RBFOX1: variants seen among roughly 807,000 people sequenced by gnomAD.
RBFOX1 encodes RNA binding protein fox-1 homolog 1.
A neutral mutation model predicts 57.7 loss-of-function variants in RBFOX1; 8 were observed. The observed-to-expected ratio is 0.14, with a 90% confidence interval of 0.08 to 0.25. RBFOX1 has a LOEUF of 0.25. Among genes scored for constraint, RBFOX1 ranks in the 10% least tolerant of loss-of-function variants. RBFOX1 has a pLI of 1.00. For synonymous variants in RBFOX1, 326 were observed against 222.4 expected (o/e 1.47, Z -4.15); for missense variants, 611 against 548.5 (o/e 1.11, Z -1.14).
At chr16:6,680,819 A>AT (rs993006751) in intron 3 of RBFOX1, among the ~76,000 whole-genome samples, 2 of 152,246 alleles carry the variant, frequency 1.3e-5, no homozygotes, top group African/African-American at 4.8e-5. Flanking sequence ...ATGTTGCAAT[A>AT]TTAAAAGCTT....
intron 2 of RBFOX1, among the ~76,000 whole-genome samples, chr16:6,499,703 G>A (rs1243471573): frequency 5.3e-5 from 8 of 151,846 alleles, no homozygotes; most frequent in Admixed American, 5.3e-4. Context: ...TATGTTGGCT[G>A]GTTTTCCCCC....
At chr16:6,504,896 T>G (rs1450413133) in intron 2 of RBFOX1, among the ~76,000 whole-genome samples, 2 of 109,152 alleles carry the variant, frequency 1.8e-5, no homozygotes, top group Non-Finnish European at 2.1e-5. Flanking sequence ...TCTACTAAAA[T>G]TACAAAAAAA....
At chr16:5,491,742 G>C (rs1164494987) in intron 2 of RBFOX1, among the ~76,000 whole-genome samples, 1 of 152,236 alleles carries the variant, frequency 6.6e-6, no homozygotes, top group Non-Finnish European at 1.5e-5. Context: ...GGCCAAGCCA[G>C]TGCTGGAGCC....
intron 3 of RBFOX1, among the ~76,000 whole-genome samples, chr16:5,616,602 C>T (rs1038190887): frequency 1.4e-5 from 2 of 148,076 alleles, no homozygotes; most frequent in East Asian, 4.0e-4. Context: ...CCTCCTCCTC[C>T]TCTTCCCTCT....
In RBFOX1 at chr16:6,975,199, A is replaced by T. The variant is rs369212019; in HGVS notation, c.-15-76858A>T. Among the ~76,000 whole-genome samples, 72 of 152,296 alleles carry T rather than the reference A, an allele frequency of 4.7e-4. 1 individual carries two copies. In the South Asian group the frequency reaches 0.015, roughly 31 times the overall value. ...GGTACTGAGGTAAAGAGAGTGAAGCATCTGCCCGACGCACAGAATTTAAGA... is the reference window on the plus strand; with the variant it reads ...GGTACTGAGGTAAAGAGAGTGAAGCTTCTGCCCGACGCACAGAATTTAAGA... On this transcript the variant is annotated intron_variant, in intron 3 of 15. Transcript: ENST00000550418.
intron 4 of RBFOX1, among the ~76,000 whole-genome samples, chr16:7,323,672 C>T (rs1460813015): frequency 2.6e-5 from 4 of 152,156 alleles, no homozygotes; most frequent in Non-Finnish European, 4.4e-5. Flanking sequence ...ACAGACTCTA[C>T]TTCATAGGAA....
chr16:5,549,221 C>G (rs575841667), intron 2 of RBFOX1, among the ~76,000 whole-genome samples: 1 of 152,174 alleles, frequency 6.6e-6, no homozygotes, highest in Non-Finnish European at 1.5e-5. Context: ...AGCTGAAATG[C>G]GGTCAGCATC....
chr16:6,052,508 G>T (rs1218038537), intron 1 of RBFOX1, among the ~76,000 whole-genome samples: 2 of 152,104 alleles, frequency 1.3e-5, no homozygotes, highest in African/African-American at 4.8e-5. Flanking sequence ...GCCTAGGCCG[G>T]GCGCGGTGGC....
chr16:6,155,857 C>T (rs902033719), intron 1 of RBFOX1, among the ~76,000 whole-genome samples: 2 of 152,112 alleles, frequency 1.3e-5, no homozygotes, highest in African/African-American at 4.8e-5. Context: ...TGGTGAGAGA[C>T]TTTTTAATTA....
At chr16:6,133,820 C>T (rs1002979060) in intron 1 of RBFOX1, among the ~76,000 whole-genome samples, 1 of 152,078 alleles carries the variant, frequency 6.6e-6, no homozygotes. Flanking sequence ...CCTCATGTGC[C>T]CCAAGCAATA....
At chr16:7,011,716 A>G (rs541730116) in intron 3 of RBFOX1, among the ~76,000 whole-genome samples, 226 of 152,156 alleles carry the variant, frequency 1.5e-3, no homozygotes, top group Non-Finnish European at 2.4e-3. Flanking sequence ...GAGTTTCACC[A>G]TGTTAGTCAG....
intron 5 of RBFOX1, among the ~76,000 whole-genome samples, chr16:7,553,945 A>T (rs1163490510): frequency 6.6e-6 from 1 of 152,192 alleles, no homozygotes; most frequent in Non-Finnish European, 1.5e-5. Context: ...ATACATTAGG[A>T]TTAAAGAATG....
intron 3 of RBFOX1, among the ~76,000 whole-genome samples, chr16:5,629,648 A>G (rs564354663): frequency 8.5e-4 from 129 of 152,294 alleles, no homozygotes; most frequent in African/African-American, 3.1e-3. Flanking sequence ...GGGTCTTGGT[A>G]TGATAATAGT....
At chr16:6,481,970 A>T (rs1304474741) in intron 2 of RBFOX1, among the ~76,000 whole-genome samples, 1 of 152,230 alleles carries the variant, frequency 6.6e-6, no homozygotes, top group Non-Finnish European at 1.5e-5. Context: ...AAGATGGATG[A>T]TGGTTACATA....
intron 3 of RBFOX1, among the ~76,000 whole-genome samples, chr16:5,702,935 C>T (rs769381956): frequency 4.6e-5 from 7 of 152,116 alleles, no homozygotes; most frequent in African/African-American, 1.4e-4. Flanking sequence ...TACTATGTGA[C>T]GAATTTCAGG....
At chr16:6,373,000 C>A (rs1054193374) in intron 2 of RBFOX1, among the ~76,000 whole-genome samples, 2 of 150,988 alleles carry the variant, frequency 1.3e-5, no homozygotes, top group African/African-American at 2.4e-5. Context: ...TGGTAAGGAT[C>A]TTTGGGTAGG....
intron 3 of RBFOX1, among the ~76,000 whole-genome samples, chr16:6,869,603 A>T (rs67421970): frequency 1.3e-5 from 2 of 152,036 alleles, no homozygotes; most frequent in Non-Finnish European, 2.9e-5. Context: ...GAAAGAAAGA[A>T]CAGGAAAAAT....
chr16:7,054,751 C>G (rs537782107), intron 4 of RBFOX1, among the ~76,000 whole-genome samples: 59 of 152,284 alleles, frequency 3.9e-4, no homozygotes, highest in African/African-American at 1.3e-3. Flanking sequence ...GTGCAGCAGT[C>G]AAAATGCATT....
chr16:6,736,493 G>A (rs887442437), intron 3 of RBFOX1, among the ~76,000 whole-genome samples: 3 of 152,054 alleles, frequency 2.0e-5, no homozygotes, highest in African/African-American at 7.2e-5. Context: ...TAATTCATTC[G>A]TTTTTATGGC....
Sources: gnomAD v4.1 joint callset for allele counts (sites outside exome capture counted in the v4.1 genomes callset) on GRCh38, gnomAD v4.1.1 for gene constraint, MANE v1.5 for transcripts, NCBI Gene and HGNC (gene_info 2026-07-23, HGNC 2026-07-21) for gene names.